The following COL3A1 variants were observed in gnomAD, a reference collection of about 807,000 sequenced individuals.
The protein encoded by COL3A1 is collagen type III alpha 1 chain.
Under a neutral mutation model 200.9 loss-of-function variants are expected in COL3A1, and 46 were observed. That is an observed-to-expected ratio of 0.23 (90% CI 0.18 to 0.29). COL3A1 has a LOEUF of 0.29. Among genes scored for constraint, COL3A1 ranks in the 10% least tolerant of loss-of-function variants. COL3A1 has a pLI of 1.00. For missense variants in COL3A1, 1,367 were observed against 1,917.6 expected, an observed-to-expected ratio of 0.71 and a Z score of 5.36; for synonymous variants, 650 against 628.0, an observed-to-expected ratio of 1.03 and a Z score of -0.52.
chr2:189,004,080 T>C lies in COL3A1; in HGVS notation c.2760T>C (p.Ser920=). The C allele has an allele frequency of 6.2e-7, 1 of 1,613,602 alleles. No individual in the cohort carries two copies. The change falls in exon 39 of 51, where the codon TCT becomes TCC. Residue 920 remains serine, a synonymous_variant. Transcript: ENST00000304636. ...GTGCTCCTGGCAGCCCTGGAGTGTC[T>C]GGACCAAAAGGTGATGCTGGCCAAC... is the stretch of plus-strand genomic sequence containing the variant. ...NTGAPGSPGV[S]GPKGDAGQPG...
Position 188,995,117 on chromosome 2 carries a change from C to A in COL3A1, c.1509+18C>A, listed in dbSNP as rs1688276437. The A allele has an allele frequency of 9.3e-6, 15 of 1,612,788 alleles. No individual in the cohort carries two copies. In the East Asian group the frequency reaches 3.3e-4, roughly 36 times the overall value. ...GAGAAAAGGTAGATAACTTTAGTTT[C>A]TATGTTCCTAAATGCTAGCACCACA... On this transcript the variant is annotated intron_variant, in intron 21 of 50. Transcript: ENST00000304636.
At position 188,995,795 on chromosome 2, in the gene COL3A1, A is replaced by G. The variant is rs747181362; in HGVS notation, c.1608+5A>G. ...CCTGGAGGTCCAGGAATGAGGGTAC[A>G]GAGAAACATTTGTTTGAATGACACT... On this transcript the variant is annotated splice_donor_5th_base_variant and intron_variant, in intron 22 of 50. Transcript: ENST00000304636. 1.3e-6 allele frequency: 2 copies of G among 1,553,472 alleles called. No individual in the cohort carries two copies. Among genetic ancestry groups the G allele is most frequent in the Non-Finnish European group, 8.7e-7 (1 of 1,146,722 alleles).
chr2:188,979,000 T>A (rs1181830010), intron 1 of COL3A1, among the ~76,000 whole-genome samples: 1 of 151,938 alleles, frequency 6.6e-6, no homozygotes, highest in East Asian at 1.9e-4. Context: ...CCCTTGTTTT[T>A]TTCCATGACT....
rs1559052813 is a variant in COL3A1, at chr2:188,985,234, C to G, written c.320C>G (p.Pro107Arg). ...RPPNGQGPQG[P>R]KGDPGPPGIP... is the part of the protein sequence containing the mutation. ...CCTAATGGTCAAGGACCTCAAGGCC[C>G]CAAGGGAGATCCAGTAAGTAAACAT... is the stretch of plus-strand genomic sequence containing the variant. The change falls in exon 3 of 51, where the codon CCC becomes CGC. Residue 107 changes from proline (P) to arginine (R), a missense_variant. Physicochemically the swap from Pro to Arg is moderately radical, Grantham distance 103. Coordinates refer to ENST00000304636, the MANE Select transcript of COL3A1 (RefSeq NM_000090.4). 1 of 1,611,266 alleles carries G rather than the reference C, an allele frequency of 6.2e-7. No homozygotes were observed. The highest frequency in any genetic ancestry group is 8.5e-7 in the Non-Finnish European group (1 of 1,177,830).
chr2:188,992,159 A>G, intron 13 of COL3A1, 25 bp from the exon 14 acceptor site: 2 of 1,613,204 alleles, frequency 1.2e-6, no homozygotes, highest in Non-Finnish European at 8.5e-7. Flanking sequence ...TTAAAAGGAT[A>G]TTTGATGTAA....
intron 1 of COL3A1, among the ~76,000 whole-genome samples, chr2:188,982,724 C>T (rs1687979343): frequency 1.3e-5 from 2 of 151,728 alleles, no homozygotes; most frequent in South Asian, 4.1e-4. Flanking sequence ...ATGGGAAAAT[C>T]TTGGGCTGAA....
In COL3A1 at chr2:188,994,683, A is replaced by C; in HGVS notation, c.1348-41A>C. The C allele has an allele frequency of 6.2e-7, 1 of 1,611,208 alleles. No individual in the cohort carries two copies. The highest frequency in any genetic ancestry group is 2.2e-5 in the East Asian group (1 of 44,850). ...CAGGTAAAAACTTTGAACTAAATTC[A>C]GTCATAATTTCTTTATTTTACCATC... is the stretch of plus-strand genomic sequence containing the variant. On this transcript the variant is annotated intron_variant, in intron 19 of 50. Transcript: ENST00000304636. The surrounding 1 kb of genome is among the most constrained non-coding windows in gnomAD (Gnocchi z 4.5).
At chr2:188,991,612 A>G in intron 12 of COL3A1, 57 bp from the exon 13 acceptor site, 1 of 1,609,746 alleles carries the variant, frequency 6.2e-7, no homozygotes, top group Admixed American at 1.7e-5. Context: ...TCCCACCCCA[A>G]CTGTTCTTAC....
chr2:189,007,757 A>G (rs1688627321), intron 45 of COL3A1, 128 bp from the exon 46 acceptor site: 2 of 1,272,362 alleles, frequency 1.6e-6, no homozygotes, highest in Admixed American at 1.8e-5. Flanking sequence ...AGCATGACAC[A>G]ATGGGAAGAT....
At chr2:188,985,853 C>A (rs1038574665) in intron 4 of COL3A1, 75 bp downstream of exon 4, 7 of 960,298 alleles carry the variant, frequency 7.3e-6, no homozygotes, top group Non-Finnish European at 1.2e-5. Context: ...CTCGATATTA[C>A]GTCTCACTAT....
rs1409551768 is a variant in COL3A1, at chr2:188,985,883, T to A, written c.447+105T>A. 2.2e-5 allele frequency: 17 copies of A among 774,100 alleles called. No homozygotes were observed. The East Asian group carries it at 4.5e-4, about 20-fold the overall frequency. The allele number at this position is 774,100 out of a possible 1,614,324, so 48.0% of individuals were successfully genotyped here. On this transcript the variant is annotated intron_variant, in intron 4 of 50. Coordinates refer to ENST00000304636, the MANE Select transcript of COL3A1 (RefSeq NM_000090.4). The stretch of plus-strand genomic sequence containing the variant: ...CACTATTATGAGTTCTTTGTATCTG[T>A]TCTCTGATTCAGTGTATTTAATAAA...
rs2153503905 is a variant in COL3A1 at position 189,007,587 on chromosome 2, C to T, written c.3343C>T (p.Pro1115Ser). 6.2e-7 allele frequency: 1 copy of T among 1,612,454 alleles called. No individual in the cohort carries two copies. Among genetic ancestry groups the T allele is most frequent in the South Asian group, 1.1e-5 (1 of 90,652 alleles). Residue 1115 changes from proline to serine, a missense_variant, in exon 45 of 51, where the codon CCA becomes TCA. This residue lies in a region of COL3A1 where 846 missense variants were observed against 1,147.9 expected (regional missense o/e 0.74). Transcript: ENST00000304636. ...IKGHRGFPGN[P>S]GAPGSPGPAG... is the part of the protein sequence containing the mutation. ...AGGACATCGAGGATTCCCTGGTAAT[C>T]CAGGTGCCCCAGGTTCTCCAGTAAG...
At chr2:188,990,709 T>G (rs1039795862) in intron 10 of COL3A1, among the ~76,000 whole-genome samples, 15 of 152,196 alleles carry the variant, frequency 9.9e-5, no homozygotes, top group Non-Finnish European at 1.9e-4. Context: ...TTCAACCAAC[T>G]GTGCCTACAA....
Position 189,009,191 on chromosome 2 carries a change from C to A in COL3A1, c.3793C>A (p.Leu1265Met), listed in dbSNP as rs200052168. The change falls in exon 48 of 51, where the codon CTG becomes ATG. Residue 1265 changes from leucine to methionine, a missense_variant. Transcript: ENST00000304636. ...RKNPARNCRD[L>M]KFCHPELKSG... ...AAACCCCGCTAGAAACTGCAGAGACCTGAAATTCTGCCATCCTGAACTCAA... is the reference window on the plus strand; with the variant it reads ...AAACCCCGCTAGAAACTGCAGAGACATGAAATTCTGCCATCCTGAACTCAA... The A allele has an allele frequency of 2.7e-5, 43 of 1,614,050 alleles. No individual in the cohort carries two copies. Among genetic ancestry groups the A allele is most frequent in the Non-Finnish European group, 3.2e-5 (38 of 1,180,038 alleles).
intron 21 of COL3A1, 85 bp from the exon 22 acceptor site, chr2:188,995,607 G>A (rs965972385): frequency 1.3e-5 from 11 of 871,294 alleles, no homozygotes; most frequent in African/African-American, 1.2e-4. Context: ...TTCAAATGAC[G>A]TCCTCTCTTT....
Position 188,995,037 on chromosome 2 carries a change from T to C in COL3A1, c.1456-9T>C. ...TTGGACTGAAATACTTGTCTTTCAT[T>C]ATTTTCAGGGTGCCCCTGGGTTCCG... On this transcript the variant is annotated splice_polypyrimidine_tract_variant and intron_variant, in intron 20 of 50. Coordinates refer to ENST00000304636, the MANE Select transcript of COL3A1 (RefSeq NM_000090.4). 1 of 1,614,126 alleles carries C rather than the reference T, an allele frequency of 6.2e-7. No homozygotes were observed.
chr2:188,993,230 T>C (rs1406064453), intron 15 of COL3A1, 131 bp from the exon 16 acceptor site: 40 of 785,788 alleles, frequency 5.1e-5, no homozygotes, highest in Middle Eastern at 5.6e-4. Context: ...TAATGATTCC[T>C]TGCTTTACCT....
intron 23 of COL3A1, 67 bp from the exon 24 acceptor site, chr2:188,996,331 C>A: frequency 1.8e-6 from 2 of 1,133,030 alleles, no homozygotes; most frequent in Non-Finnish European, 2.6e-6. Context: ...CACACACATA[C>A]TATATATATA....
At chr2:189,005,315 T>G (rs933613001) in intron 40 of COL3A1, 35 bp from the exon 41 acceptor site, 2 of 1,566,150 alleles carry the variant, frequency 1.3e-6, no homozygotes. Flanking sequence ...ATTTCTTAAG[T>G]TGAAACAAAA....
Sources: gnomAD v4.1 joint callset for allele counts (sites outside exome capture counted in the v4.1 genomes callset) on GRCh38, gnomAD v4.1.1 for gene constraint, gnomAD v4.1.1 regional missense constraint, Gnocchi (gnomAD v3.1) non-coding constraint, MANE v1.5 for transcripts, NCBI Gene and HGNC (gene_info 2026-07-23, HGNC 2026-07-21) for gene names.